The following CSMD1 variants were observed in gnomAD, a reference collection of about 807,000 sequenced individuals.
CSMD1 encodes CUB and sushi domain-containing protein 1.
A neutral mutation model predicts 417.5 loss-of-function variants in CSMD1; 213 were observed. That is an observed-to-expected ratio of 0.51 (90% confidence interval 0.46 to 0.57). The LOEUF (loss-of-function observed/expected upper bound fraction) is 0.57, where lower values mean the gene tolerates loss of function less well. Ranked by LOEUF, CSMD1 falls within the 20% of genes least tolerant of loss-of-function variation. The pLI is 0.00. For synonymous variants in CSMD1, 2,862 were observed against 1,736.8 expected (o/e 1.65, Z -16.11); for missense variants, 6,923 against 4,529.7 (o/e 1.53, Z -15.17).
At chr8:3,726,512 A>G (rs1366436250) in intron 6 of CSMD1, among the ~76,000 whole-genome samples, 1 of 152,194 alleles carries the variant, frequency 6.6e-6, no homozygotes, top group African/African-American at 2.4e-5. Flanking sequence ...CCAACTCTGA[A>G]CACCTTTATT....
intron 5 of CSMD1, among the ~76,000 whole-genome samples, chr8:3,934,799 AT>A (rs1810374391): frequency 6.6e-6 from 1 of 152,154 alleles, no homozygotes; most frequent in Non-Finnish European, 1.5e-5. Context: ...GTGAGCCAAA[AT>A]CACGCCACTG....
chr8:3,384,799 C>T (rs1308047102), intron 18 of CSMD1, among the ~76,000 whole-genome samples: 42 of 106,278 alleles, frequency 4.0e-4, no homozygotes, highest in Non-Finnish European at 5.9e-4. Flanking sequence ...TTAATATATG[C>T]TATTTATATA....
intron 25 of CSMD1, among the ~76,000 whole-genome samples, chr8:3,291,153 C>A (rs908004285): frequency 6.6e-6 from 1 of 152,172 alleles, no homozygotes; most frequent in Non-Finnish European, 1.5e-5. Context: ...GTTGAAGCAG[C>A]CTTGCATCCC....
Position 4,152,572 on chromosome 8 carries a change from C to T in CSMD1, c.416-120473G>A, listed in dbSNP as rs536108923. The stretch of plus-strand genomic sequence containing the variant: ...AGTCATGGTGGTGCACACTTGTGTT[C>T]CCAACTCCTTGGGAGGCTTAAGTGG... On this transcript the variant is annotated intron_variant, in intron 3 of 69. Coordinates refer to ENST00000635120, the MANE Select transcript of CSMD1 (RefSeq NM_033225.6). Among the ~76,000 whole-genome samples the T allele has an allele frequency of 6.6e-5, 10 of 151,538 alleles. No individual in the cohort carries two copies. In the East Asian group the frequency reaches 1.8e-3, roughly 27 times the overall value.
At chr8:3,878,615 T>C (rs960570636) in intron 5 of CSMD1, among the ~76,000 whole-genome samples, 1 of 152,236 alleles carries the variant, frequency 6.6e-6, no homozygotes, top group African/African-American at 2.4e-5. Flanking sequence ...CTGTAAGATC[T>C]ATCTCTGTTT....
chr8:3,538,583 A>C (rs1185537311), intron 10 of CSMD1, among the ~76,000 whole-genome samples: 1 of 152,218 alleles, frequency 6.6e-6, no homozygotes, highest in Non-Finnish European at 1.5e-5. Flanking sequence ...CTCCCCTGTG[A>C]TTGTGTGCCC....
intron 3 of CSMD1, among the ~76,000 whole-genome samples, chr8:4,362,549 T>C (rs1482920237): frequency 2.0e-5 from 3 of 152,208 alleles, no homozygotes; most frequent in African/African-American, 7.2e-5. Flanking sequence ...TAATTTATTG[T>C]GGGAAGTGGA....
At chr8:3,316,018 A>C (rs1247048334) in intron 23 of CSMD1, among the ~76,000 whole-genome samples, 1 of 152,102 alleles carries the variant, frequency 6.6e-6, no homozygotes, top group Non-Finnish European at 1.5e-5. Flanking sequence ...TCACTTTCTC[A>C]CTGATTTTTT....
intron 1 of CSMD1, among the ~76,000 whole-genome samples, chr8:4,706,129 A>T (rs1807925143): frequency 6.6e-6 from 1 of 150,540 alleles, no homozygotes; most frequent in Non-Finnish European, 1.5e-5. Flanking sequence ...CCTATATATT[A>T]CATATTTTAT....
In CSMD1 at chr8:3,525,613, C is replaced by T. The variant is rs116466241; in HGVS notation, c.1345-31887G>A. Among the ~76,000 whole-genome samples the T allele has an allele frequency of 5.2e-3, 794 of 152,262 alleles. 6 individuals are homozygous for T. The highest frequency in any genetic ancestry group is 0.018 in the African/African-American group (755 of 41,542). On this transcript the variant is annotated intron_variant, in intron 10 of 69. Coordinates refer to ENST00000635120, the MANE Select transcript of CSMD1 (RefSeq NM_033225.6). ...GTCTGTCACTAGGAGGGCATCGTATCTTCAAAACCTCTTGCCTGACATTCT... is the reference window on the plus strand; with the variant it reads ...GTCTGTCACTAGGAGGGCATCGTATTTTCAAAACCTCTTGCCTGACATTCT...
At chr8:3,955,117 C>T (rs1409541097) in intron 5 of CSMD1, among the ~76,000 whole-genome samples, 2 of 152,168 alleles carry the variant, frequency 1.3e-5, no homozygotes, top group East Asian at 1.9e-4. Context: ...TCTCCTGCCC[C>T]CCTCATACCT....
At chr8:3,630,017 T>G (rs773082544) in intron 7 of CSMD1, among the ~76,000 whole-genome samples, 11 of 152,130 alleles carry the variant, frequency 7.2e-5, no homozygotes, top group Non-Finnish European at 1.2e-4. Flanking sequence ...AGAGTTTTAT[T>G]TGTAAAAAGA....
At chr8:4,252,252 C>T (rs978479391) in intron 3 of CSMD1, among the ~76,000 whole-genome samples, 1 of 152,210 alleles carries the variant, frequency 6.6e-6, no homozygotes, top group African/African-American at 2.4e-5. Context: ...TTCCTGGCTT[C>T]AGCCTTCTGC....
chr8:4,530,432 C>A (rs1294288969), intron 2 of CSMD1, among the ~76,000 whole-genome samples: 1 of 147,010 alleles, frequency 6.8e-6, no homozygotes, highest in Non-Finnish European at 1.5e-5. Flanking sequence ...ATCTACCAAC[C>A]CATCATCTAG....
intron 2 of CSMD1, among the ~76,000 whole-genome samples, chr8:4,630,307 C>A (rs1585359207): frequency 6.7e-6 from 1 of 149,250 alleles, no homozygotes; most frequent in African/African-American, 2.5e-5. Flanking sequence ...CACACACACT[C>A]TCACAGTTGT....
chr8:4,014,011 T>C (rs1173374206), intron 4 of CSMD1, among the ~76,000 whole-genome samples: 1 of 152,048 alleles, frequency 6.6e-6, no homozygotes, highest in East Asian at 1.9e-4. Context: ...CACACGTAAA[T>C]ACTGAAAGGA....
chr8:4,125,203 G>A (rs546891550), intron 3 of CSMD1, among the ~76,000 whole-genome samples: 22 of 152,156 alleles, frequency 1.4e-4, no homozygotes, highest in Middle Eastern at 3.4e-3. Context: ...CTAAACTAAA[G>A]GGAAAGGTCG....
At chr8:4,525,442 G>A (rs1563256058) in intron 2 of CSMD1, among the ~76,000 whole-genome samples, 2 of 152,214 alleles carry the variant, frequency 1.3e-5, no homozygotes, top group Admixed American at 6.5e-5. Context: ...TTAACCATGA[G>A]CTGTAACATA....
chr8:3,613,786 C>A (rs939770891), intron 8 of CSMD1, among the ~76,000 whole-genome samples: 3 of 150,858 alleles, frequency 2.0e-5, no homozygotes, highest in East Asian at 2.0e-4. Context: ...TGATAAAGGG[C>A]ATCTATGAAA....
Sources: gnomAD v4.1 joint callset for allele counts (sites outside exome capture counted in the v4.1 genomes callset) on GRCh38, gnomAD v4.1.1 for gene constraint, MANE v1.5 for transcripts, NCBI Gene and HGNC (gene_info 2026-07-23, HGNC 2026-07-21) for gene names.